Variants in CEACAM6 observed in about 807,000 individuals in gnomAD.
CEACAM6 encodes the protein CEA cell adhesion molecule 6.
In CEACAM6, 21 loss-of-function variants were observed where a neutral mutation model predicts 32.4. That is an observed-to-expected ratio of 0.65 (90% CI 0.46 to 0.93). The LOEUF (loss-of-function observed/expected upper bound fraction) is 0.93. CEACAM6 is among the 40% of genes least tolerant of loss of function. The pLI is 0.00. For missense variants in CEACAM6, 406 were observed against 432.2 expected, an observed-to-expected ratio of 0.94 and a Z score of 0.54; for synonymous variants, 184 against 174.4, an observed-to-expected ratio of 1.06 and a Z score of -0.43.
chr19:41,768,070 T>A (rs1461983116), intron 5 of CEACAM6, among the ~76,000 whole-genome samples: 1 of 152,102 alleles, frequency 6.6e-6, no homozygotes, highest in African/African-American at 2.4e-5. Context: ...ATTCTTTTTT[T>A]ATTTTTATTT....
At chr19:41,759,504 C>T (rs1486896570) in intron 2 of CEACAM6, among the ~76,000 whole-genome samples, 1 of 152,162 alleles carries the variant, frequency 6.6e-6, no homozygotes, top group Non-Finnish European at 1.5e-5. Flanking sequence ...GTAACTGACA[C>T]ACACCTAAGA....
intron 5 of CEACAM6, among the ~76,000 whole-genome samples, chr19:41,767,897 C>A (rs1209085054): frequency 3.3e-5 from 5 of 151,794 alleles, no homozygotes; most frequent in African/African-American, 1.2e-4. Flanking sequence ...ATATGGGAAG[C>A]ACTGTCAAAT....
At chr19:41,769,356 A>G in intron 5 of CEACAM6, among the ~76,000 whole-genome samples, 1 of 152,204 alleles carries the variant, frequency 6.6e-6, no homozygotes, top group East Asian at 1.9e-4. Context: ...GTACTCTTGA[A>G]TACAAGTTTC....
intron 2 of CEACAM6, among the ~76,000 whole-genome samples, chr19:41,759,437 C>G (rs2072909469): frequency 6.6e-6 from 1 of 152,204 alleles, no homozygotes. Context: ...GGAGCTCTTT[C>G]TAAATTTACT....
At chr19:41,766,000 T>C (rs964138066) in intron 4 of CEACAM6, among the ~76,000 whole-genome samples, 183 bp from the exon 5 acceptor site, 15 of 152,128 alleles carry the variant, frequency 9.9e-5, no homozygotes, top group African/African-American at 3.4e-4. Flanking sequence ...CAGGATGAAA[T>C]TGACAGAAGA....
chr19:41,759,928 G>A (rs782524441), intron 2 of CEACAM6, among the ~76,000 whole-genome samples: 1 of 152,190 alleles, frequency 6.6e-6, no homozygotes, highest in Non-Finnish European at 1.5e-5. Context: ...ATGCTGAAAA[G>A]AAATGCTCAC....
At position 41,755,630 on chromosome 19, in the gene CEACAM6, G is replaced by A; in HGVS notation, c.-9G>A. ...TACAAAGAGGTGGACAGAGAAGACA[G>A]CAGAGACCATGGGACCCCCCTCAGC... On this transcript the variant is annotated 5_prime_UTR_variant, in exon 1 of 6. Coordinates refer to ENST00000199764, the MANE Select transcript of CEACAM6 (RefSeq NM_002483.7). 6.2e-7 allele frequency: 1 copy of A among 1,612,298 alleles called. No individual in the cohort carries two copies. The highest frequency in any genetic ancestry group is 1.3e-5 in the African/African-American group (1 of 74,924).
chr19:41,762,151 T>A lies in CEACAM6; in HGVS notation c.886T>A (p.Ser296Thr). The A allele has an allele frequency of 6.2e-7, 1 of 1,614,108 alleles. No individual in the cohort carries two copies. Among genetic ancestry groups the A allele is most frequent in the Non-Finnish European group, 8.5e-7 (1 of 1,180,020 alleles). Residue 296 changes from serine (S) to threonine (T), a missense_variant, in exon 4 of 6, where the codon TCC (serine) becomes ACC (threonine). Ser to Thr is a moderately conservative substitution (Grantham distance 58, BLOSUM62 1). Transcript: ENST00000199764. Reference protein sequence around the residue: ...IPNITVNNSGSYMCQAHNSAT... With the variant: ...IPNITVNNSGTYMCQAHNSAT... The stretch of plus-strand genomic sequence containing the variant: ...CAACATCACTGTGAATAATAGCGGA[T>A]CCTATATGTGCCAAGCCCATAACTC...
At chr19:41,761,932 G>A (rs1352830106) in intron 3 of CEACAM6, 37 bp from the exon 4 acceptor site, 3 of 1,610,348 alleles carry the variant, frequency 1.9e-6, no homozygotes, top group Non-Finnish European at 2.5e-6. Flanking sequence ...GCTTCCCTCT[G>A]ACAACATCAC....
intron 1 of CEACAM6, among the ~76,000 whole-genome samples, chr19:41,756,032 C>G (rs1405509108): frequency 6.6e-6 from 1 of 152,180 alleles, no homozygotes; most frequent in Non-Finnish European, 1.5e-5. Flanking sequence ...GCTGCCCTTA[C>G]TCACCAATCA....
At chr19:41,761,630 C>T in intron 3 of CEACAM6, 103 bp downstream of exon 3, 1 of 1,552,152 alleles carries the variant, frequency 6.4e-7, no homozygotes. Flanking sequence ...CTCAGACCCT[C>T]ACCCAGGCTG....
chr19:41,761,769 C>A (rs1555821924), intron 3 of CEACAM6, among the ~76,000 whole-genome samples, 200 bp from the exon 4 acceptor site: 1 of 152,192 alleles, frequency 6.6e-6, no homozygotes, highest in Non-Finnish European at 1.5e-5. Context: ...TCCAGGATGT[C>A]CTTAAGGCTC....
Position 41,760,467 on chromosome 19 carries a change from G to C in CEACAM6, c.425-782G>C, listed in dbSNP as rs186971110. On this transcript the variant is annotated intron_variant, in intron 2 of 5. Coordinates refer to ENST00000199764, the MANE Select transcript of CEACAM6 (RefSeq NM_002483.7). ...CATGTGTTTATGGAGAGAGCCACAG[G>C]GTCCTCACCTGCCCTCCGCAGAGGG... 5.3e-5 allele frequency among the ~76,000 whole-genome samples: 8 copies of C among 152,242 alleles called. No homozygotes were observed. The South Asian group carries it at 1.0e-3, about 20-fold the overall frequency.
At chr19:41,770,255 C>CAAAAAAAAAA (rs1158293587) in intron 5 of CEACAM6, among the ~76,000 whole-genome samples, 5 of 40,514 alleles carry the variant, frequency 1.2e-4, no homozygotes, top group African/African-American at 2.7e-4. Context: ...GCTAAAAATA[C>CAAAAAAAAAA]AAAAAAAAAA....
intron 1 of CEACAM6, 149 bp from the exon 2 acceptor site, chr19:41,756,451 A>AG: frequency 1.4e-5 from 14 of 1,009,394 alleles, no homozygotes; most frequent in Non-Finnish European, 1.9e-5. Flanking sequence ...TTGACTCAGT[A>AG]GGACACACAC....
chr19:41,768,760 G>A (rs1555822664), intron 5 of CEACAM6, among the ~76,000 whole-genome samples: 2 of 148,084 alleles, frequency 1.4e-5, no homozygotes, highest in African/African-American at 2.5e-5. Context: ...CGGACGGGGC[G>A]GCTGGCCGGG....
intron 4 of CEACAM6, among the ~76,000 whole-genome samples, chr19:41,762,765 C>T (rs1192757891): frequency 6.6e-6 from 1 of 152,198 alleles, no homozygotes; most frequent in African/African-American, 2.4e-5. Flanking sequence ...CCTGAAGCCA[C>T]CTAAGGTGGA....
In CEACAM6 at chr19:41,761,489, G is replaced by C. The variant is rs1471855693; in HGVS notation, c.665G>C (p.Ser222Thr). 6.2e-7 allele frequency: 1 copy of C among 1,614,066 alleles called. No individual in the cohort carries two copies. Among genetic ancestry groups the C allele is most frequent in the Non-Finnish European group, 8.5e-7 (1 of 1,180,050 alleles). The change falls in exon 3 of 6, where the codon AGT becomes ACT. Residue 222 changes from serine (S) to threonine (T), a missense_variant. Transcript: ENST00000199764. Reference sequence around the variant, plus strand: ...GAATGTGAAATACAGAACCCAGCGAGTGCCAACCGCAGTGACCCAGTCACC... The same window carrying C: ...GAATGTGAAATACAGAACCCAGCGACTGCCAACCGCAGTGACCCAGTCACC... The part of the protein sequence containing the change: ...SYECEIQNPA[S>T]ANRSDPVTLN...
At chr19:41,768,306 C>G (rs577988687) in intron 5 of CEACAM6, among the ~76,000 whole-genome samples, 2,233 of 150,550 alleles carry the variant, frequency 0.015, 26 homozygotes, top group Middle Eastern at 0.037. Flanking sequence ...TGACTCTTAA[C>G]GAGCATGCTG....
Sources: allele counts gnomAD v4.1 joint callset (sites outside exome capture counted in the v4.1 genomes callset), GRCh38; gene constraint gnomAD v4.1.1; transcripts MANE v1.5; gene names NCBI Gene and HGNC (gene_info 2026-07-23, HGNC 2026-07-21).